The following FLT1 variants were observed in gnomAD, a reference collection of about 807,000 sequenced individuals.
FLT1 encodes vascular endothelial growth factor receptor 1.
FLT1 carries 49 observed loss-of-function variants against 156.3 expected under a neutral mutation model. The observed-to-expected ratio is 0.31, with a 90% CI of 0.25 to 0.40. The LOEUF is 0.40. Ranked by LOEUF, FLT1 falls within the 10% of genes least tolerant of loss-of-function variation. FLT1 has a pLI of 1.00. For synonymous variants in FLT1, 594 were observed against 583.8 expected, an observed-to-expected ratio of 1.02 and a Z score of -0.25; for missense variants, 1,322 against 1,637.2, an observed-to-expected ratio of 0.81 and a Z score of 3.32.
chr13:28,402,190 G>A (rs565413376), intron 11 of FLT1, among the ~76,000 whole-genome samples: 43 of 152,328 alleles, frequency 2.8e-4, no homozygotes, highest in Admixed American at 7.8e-4. Context: ...GTGCTCCAGC[G>A]TGAGTGTGAT....
chr13:28,442,701 T>TACAC (rs111263665), intron 3 of FLT1, among the ~76,000 whole-genome samples: 16,833 of 146,890 alleles, frequency 0.11, 978 homozygotes, highest in Admixed American at 0.17. Flanking sequence ...TGACTGTAGA[T>TACAC]ACACACACAC....
intron 3 of FLT1, among the ~76,000 whole-genome samples, chr13:28,465,732 A>G (rs1879811381): frequency 6.6e-6 from 1 of 152,164 alleles, no homozygotes; most frequent in Non-Finnish European, 1.5e-5. Context: ...AATCCTAGCT[A>G]CGCAGGAGGC....
intron 3 of FLT1, among the ~76,000 whole-genome samples, chr13:28,442,039 C>G (rs1364350423): frequency 6.6e-6 from 1 of 152,074 alleles, no homozygotes; most frequent in Non-Finnish European, 1.5e-5. Context: ...AGTTAATAAA[C>G]TTATGTGTTT....
chr13:28,327,600 G>A, intron 19 of FLT1, 50 bp from the exon 20 acceptor site: 2 of 1,298,546 alleles, frequency 1.5e-6, no homozygotes, highest in Non-Finnish European at 2.2e-6. Flanking sequence ...AAGCCAGTCA[G>A]CCATTTGCCA....
chr13:28,413,327 TTC>T (rs1345255565), intron 10 of FLT1, among the ~76,000 whole-genome samples: 1 of 152,078 alleles, frequency 6.6e-6, no homozygotes, highest in Non-Finnish European at 1.5e-5. Flanking sequence ...TCCTGGCTCC[TTC>T]TGCTGGCTTC....
At chr13:28,426,650 G>C (rs1256279086) in intron 10 of FLT1, among the ~76,000 whole-genome samples, 1 of 152,212 alleles carries the variant, frequency 6.6e-6, no homozygotes, top group African/African-American at 2.4e-5. Flanking sequence ...CATGGGGTTT[G>C]ATAAATAAAG....
At chr13:28,480,768 A>G (rs1643868409) in intron 1 of FLT1, among the ~76,000 whole-genome samples, 1 of 152,194 alleles carries the variant, frequency 6.6e-6, no homozygotes, top group South Asian at 2.1e-4. Flanking sequence ...TGTGGTTCGC[A>G]TATTTTTTGT....
At chr13:28,310,745 CTTTG>C (rs530895030) in intron 27 of FLT1, among the ~76,000 whole-genome samples, 4 of 152,094 alleles carry the variant, frequency 2.6e-5, no homozygotes, top group African/African-American at 4.8e-5. Flanking sequence ...ACACAGCTCG[CTTTG>C]TTTGTTTAGT....
chr13:28,433,975 AT>A lies in FLT1; in HGVS notation c.677-21del, dbSNP rs869194168. On this transcript the variant is annotated intron_variant, in intron 5 of 29. Transcript: ENST00000282397. Reference sequence around the variant, plus strand: ...TATTGGCTGCAAGCATAAGAGAGAAATTTTTTAAAATTAAGATTTCATTACA... The same window carrying A: ...TATTGGCTGCAAGCATAAGAGAGAAATTTTTAAAATTAAGATTTCATTACA... 3 of 1,613,928 alleles carry A rather than the reference AT, an allele frequency of 1.9e-6. No individual in the cohort carries two copies. The highest frequency in any genetic ancestry group is 2.7e-5 in the African/African-American group (2 of 74,916).
intron 27 of FLT1, among the ~76,000 whole-genome samples, chr13:28,309,668 C>T (rs1212385614): frequency 4.7e-5 from 7 of 148,508 alleles, no homozygotes; most frequent in African/African-American, 7.5e-5. Flanking sequence ...CCCACCCCCC[C>T]TCCCTCTCTC....
chr13:28,425,231 A>G (rs1455437944), intron 10 of FLT1, among the ~76,000 whole-genome samples: 2 of 152,248 alleles, frequency 1.3e-5, no homozygotes, highest in Non-Finnish European at 2.9e-5. Context: ...GCAACGTATT[A>G]AAGAAATAAA....
rs2247187 is a variant in FLT1 at position 28,485,487 on chromosome 13, C to T, written c.64+9293G>A. Reference sequence around the variant, plus strand: ...ATTTATTTATTTTTACTCCCAGATACTGTTTAGAAGGGTCAAGACATTATG... The same window carrying T: ...ATTTATTTATTTTTACTCCCAGATATTGTTTAGAAGGGTCAAGACATTATG... On this transcript the variant is annotated intron_variant, in intron 1 of 29. Transcript: ENST00000282397. Among the ~76,000 whole-genome samples the T allele has an allele frequency of 5.7e-3, 874 of 152,214 alleles. 9 individuals carry two copies. The highest frequency in any genetic ancestry group is 0.02 in the African/African-American group (831 of 41,516).
chr13:28,329,752 C>T, intron 18 of FLT1, 24 bp from the exon 19 acceptor site: 5 of 1,579,020 alleles, frequency 3.2e-6, no homozygotes, highest in Non-Finnish European at 4.4e-6. Context: ...AAGGAAGAGT[C>T]AGGGCGACAG....
intron 8 of FLT1, 110 bp from the exon 9 acceptor site, chr13:28,428,031 G>A: frequency 1.1e-6 from 1 of 889,214 alleles, no homozygotes. Context: ...TCAAACCTTT[G>A]ATCATCAGTG....
chr13:28,486,653 C>T lies in FLT1; in HGVS notation c.64+8127G>A, dbSNP rs75397735. On this transcript the variant is annotated intron_variant, in intron 1 of 29. Coordinates refer to ENST00000282397, the MANE Select transcript of FLT1 (RefSeq NM_002019.4). ...TCACTTCTGCCCCTAACGTACGTAC[C>T]TCACTCGGCAAAACAGTCCCCCTCT... 1.1e-4 allele frequency among the ~76,000 whole-genome samples: 16 copies of T among 152,316 alleles called. No individual in the cohort carries two copies. In the East Asian group the frequency reaches 3.1e-3, roughly 29 times the overall value.
At chr13:28,412,307 C>CTTTCTTTCTT (rs1320043849) in intron 10 of FLT1, among the ~76,000 whole-genome samples, 1 of 53,564 alleles carries the variant, frequency 1.9e-5, no homozygotes, top group East Asian at 1.1e-3. Flanking sequence ...TTTTCTCTTT[C>CTTTCTTTCTT]TCTTTCTTTC....
At chr13:28,415,863 T>C (rs1013296909) in intron 10 of FLT1, among the ~76,000 whole-genome samples, 1 of 152,234 alleles carries the variant, frequency 6.6e-6, no homozygotes, top group African/African-American at 2.4e-5. Flanking sequence ...TTCTTTGGAA[T>C]AAACAGTCAG....
intron 14 of FLT1, among the ~76,000 whole-genome samples, chr13:28,369,280 T>C (rs991935893): frequency 6.6e-5 from 10 of 152,180 alleles, no homozygotes; most frequent in Admixed American, 5.9e-4. Flanking sequence ...GTTCCAACAC[T>C]TTGGGAGGCC....
intron 10 of FLT1, among the ~76,000 whole-genome samples, chr13:28,415,474 T>G (rs1349686389): frequency 6.6e-6 from 1 of 151,902 alleles, no homozygotes; most frequent in Non-Finnish European, 1.5e-5. Context: ...ACAGCAAAAC[T>G]CCATCTTAAT....
Sources: gnomAD v4.1 joint callset for allele counts (sites outside exome capture counted in the v4.1 genomes callset) on GRCh38, gnomAD v4.1.1 for gene constraint, MANE v1.5 for transcripts, NCBI Gene and HGNC (gene_info 2026-07-23, HGNC 2026-07-21) for gene names.